Variants in ASXL3 observed in about 807,000 individuals in gnomAD.
The protein encoded by ASXL3 is ASXL transcriptional regulator 3.
ASXL3 carries 34 observed loss-of-function variants against 170.6 expected under a neutral mutation model. The observed-to-expected ratio is 0.20, with a 90% confidence interval of 0.15 to 0.27. The LOEUF is 0.27. Ranked by LOEUF, ASXL3 falls within the 10% of genes least tolerant of loss-of-function variation. ASXL3 has a pLI of 1.00. For synonymous variants in ASXL3, 1,002 were observed against 989.1 expected, an observed-to-expected ratio of 1.01 and a Z score of -0.24; for missense variants, 2,592 against 2,695.3, an observed-to-expected ratio of 0.96 and a Z score of 0.85.
Position 33,747,750 on chromosome 18 carries a change from C to A in ASXL3, c.*1155C>A, listed in dbSNP as rs754143330. 1 of 152,162 alleles carries A rather than the reference C, an allele frequency of 6.6e-6. No homozygotes were observed. The highest frequency in any genetic ancestry group is 1.5e-5 in the Non-Finnish European group (1 of 68,022). The allele number at this position is 152,162 out of a possible 1,614,324, so 9.4% of individuals were successfully genotyped here. ...GAAATAACCCTTATTTTGAAAAAAACTGTTCTAGGTATGGCATGTTTTGTT... is the reference window on the plus strand; with the variant it reads ...GAAATAACCCTTATTTTGAAAAAAAATGTTCTAGGTATGGCATGTTTTGTT... On this transcript the variant is annotated 3_prime_UTR_variant, in exon 12 of 12. Coordinates refer to ENST00000269197, the MANE Select transcript of ASXL3 (RefSeq NM_030632.3).
chr18:33,658,816 T>C (rs1332804428), intron 4 of ASXL3, among the ~76,000 whole-genome samples: 1 of 152,030 alleles, frequency 6.6e-6, no homozygotes, highest in Non-Finnish European at 1.5e-5. Flanking sequence ...GAGTGTAAGA[T>C]AAAGCAAATA....
intron 8 of ASXL3, among the ~76,000 whole-genome samples, chr18:33,709,861 G>C (rs996052554): frequency 1.3e-5 from 2 of 152,172 alleles, no homozygotes; most frequent in African/African-American, 2.4e-5. Flanking sequence ...CATGCAACTG[G>C]AGTTATGTTT....
At position 33,578,670 on chromosome 18, in the gene ASXL3, C is replaced by A. The variant is rs917031264; in HGVS notation, c.39C>A (p.Ala13=). 23 of 1,347,364 alleles carry A rather than the reference C, an allele frequency of 1.7e-5. No individual in the cohort carries two copies. The highest frequency in any genetic ancestry group is 3.0e-5 in the African/African-American group (2 of 65,758). 83.5% of individuals were successfully genotyped at this position (1,347,364 alleles called of 1,614,324 possible). The change falls in exon 1 of 12, where the codon GCC becomes GCA. Residue 13 remains alanine, a synonymous_variant. Coordinates refer to ENST00000269197, the MANE Select transcript of ASXL3 (RefSeq NM_030632.3). ...DKRKKKDRTW[A]EAARLALEKH... is the part of the protein sequence containing the mutation. ...GGAAGAAGAAGGACCGCACCTGGGCCGAGGCTGCCCGCCTGGTACGTACCG... is the reference window on the plus strand; with the variant it reads ...GGAAGAAGAAGGACCGCACCTGGGCAGAGGCTGCCCGCCTGGTACGTACCG...
chr18:33,667,043 A>G (rs2066267735), intron 5 of ASXL3, among the ~76,000 whole-genome samples: 1 of 152,156 alleles, frequency 6.6e-6, no homozygotes, highest in African/African-American at 2.4e-5. Context: ...ACTGAGGGGA[A>G]GTGCGGAGGT....
At chr18:33,584,047 G>A (rs1413889799) in intron 1 of ASXL3, among the ~76,000 whole-genome samples, 1 of 152,186 alleles carries the variant, frequency 6.6e-6, no homozygotes, top group Non-Finnish European at 1.5e-5. Flanking sequence ...CTCATTTACA[G>A]ATTTACAGAA....
rs1433986652 is a variant in ASXL3 at position 33,738,972 on chromosome 18, C to T, written c.1568C>T (p.Ser523Leu). The change falls in exon 11 of 12, where the codon TCA (serine) becomes TTA (leucine). Residue 523 changes from serine (S) to leucine (L), a missense_variant. Physicochemically the swap from Ser to Leu is moderately radical, Grantham distance 145 (BLOSUM62 -2). Around this residue, in one of 4 missense-constraint regions of ASXL3, gnomAD observed 2,246 missense variants for 2,219.6 expected, o/e 1.01. Coordinates refer to ENST00000269197, the MANE Select transcript of ASXL3 (RefSeq NM_030632.3). Reference protein sequence around the residue: ...PHIEVKIEGKSESPQEEMTVV... With the variant: ...PHIEVKIEGKLESPQEEMTVV... ...ATTGAAGTTAAGATAGAAGGGAAGT[C>T]AGAATCACCCCAGGAAGAAATGACA... The T allele has an allele frequency of 1.2e-6, 2 of 1,613,744 alleles. No individual in the cohort carries two copies. Among genetic ancestry groups the T allele is most frequent in the Admixed American group, 1.7e-5 (1 of 59,942 alleles).
At chr18:33,679,988 T>G (rs1039477321) in intron 7 of ASXL3, among the ~76,000 whole-genome samples, 2 of 151,988 alleles carry the variant, frequency 1.3e-5, no homozygotes, top group African/African-American at 4.8e-5. Context: ...GTTTAACGAA[T>G]GTCTGCTTTT....
In ASXL3 at chr18:33,583,318, T is replaced by A. The variant is rs982268872; in HGVS notation, c.54+4633T>A. ...CTCCAAAGGTACACAAGAGCATAACTGACAATGTAGTTGGATCATGAGCCT... is the reference window on the plus strand; with the variant it reads ...CTCCAAAGGTACACAAGAGCATAACAGACAATGTAGTTGGATCATGAGCCT... On this transcript the variant is annotated intron_variant, in intron 1 of 11. Coordinates refer to ENST00000269197, the MANE Select transcript of ASXL3 (RefSeq NM_030632.3). 3.3e-5 allele frequency among the ~76,000 whole-genome samples: 5 copies of A among 152,208 alleles called. No homozygotes were observed. In the South Asian group the frequency reaches 1.0e-3, roughly 32 times the overall value.
intron 6 of ASXL3, 60 bp from the exon 7 acceptor site, chr18:33,671,687 A>G: frequency 1.4e-6 from 2 of 1,444,592 alleles, no homozygotes; most frequent in South Asian, 2.8e-5. Context: ...ACAATTTTAG[A>G]TTTTTCTTTT....
chr18:33,628,237 G>C (rs1243556544), intron 2 of ASXL3, among the ~76,000 whole-genome samples: 1 of 152,110 alleles, frequency 6.6e-6, no homozygotes, highest in East Asian at 1.9e-4. Context: ...TAAGTGGAAA[G>C]ATCTATTATT....
intron 2 of ASXL3, among the ~76,000 whole-genome samples, chr18:33,618,925 C>CCA (rs1289086422): frequency 6.6e-6 from 1 of 152,106 alleles, no homozygotes; most frequent in Non-Finnish European, 1.5e-5. Context: ...CATTAATTTT[C>CCA]TTGGCATAGT....
rs774502883 is a variant in ASXL3 at position 33,739,150 on chromosome 18, G to A, written c.1746G>A (p.Gln582=). 1 of 1,613,604 alleles carries A rather than the reference G, an allele frequency of 6.2e-7. No homozygotes were observed. The highest frequency in any genetic ancestry group is 1.3e-5 in the African/African-American group (1 of 74,930). The change falls in exon 11 of 12, where the codon CAG becomes CAA. Residue 582 remains glutamine (Q), a synonymous_variant. Transcript: ENST00000269197. The stretch of plus-strand genomic sequence containing the variant: ...CAGGGTCATCTTCTCTAGAAGGCCA[G>A]TTTCCAAATGAAGGAATTGCTATAG... ...IKTGSSSLEG[Q]FPNEGIAIDM...
intron 8 of ASXL3, among the ~76,000 whole-genome samples, chr18:33,697,928 C>T (rs1171394681): frequency 6.6e-6 from 1 of 152,098 alleles, no homozygotes; most frequent in Non-Finnish European, 1.5e-5. Flanking sequence ...TGTTCTCTTC[C>T]TGTGACCTAT....
At chr18:33,711,680 T>C (rs1030634320) in intron 8 of ASXL3, among the ~76,000 whole-genome samples, 3 of 152,200 alleles carry the variant, frequency 2.0e-5, no homozygotes, top group Admixed American at 6.5e-5. Flanking sequence ...GCACAGATCC[T>C]GTGAGTCCTG....
At chr18:33,636,945 T>C (rs1412494266) in intron 2 of ASXL3, among the ~76,000 whole-genome samples, 1 of 152,160 alleles carries the variant, frequency 6.6e-6, no homozygotes, top group Non-Finnish European at 1.5e-5. Context: ...CATTTCAAAT[T>C]TTCAGATTTG....
At chr18:33,614,271 C>T (rs1050452443) in intron 2 of ASXL3, 5 of 152,064 alleles carry the variant, frequency 3.3e-5, no homozygotes, top group African/African-American at 1.2e-4. Flanking sequence ...CAACAATGTT[C>T]ACAGTATCTT....
rs769249114 is a variant in ASXL3, at chr18:33,746,890, C to T, written c.*295C>T. ...GCCCCATTTTTGTTTTTCTTTTAAC[C>T]GAGGTGTAGATAGGAAAAGGACATT... On this transcript the variant is annotated 3_prime_UTR_variant, in exon 12 of 12. Coordinates refer to ENST00000269197, the MANE Select transcript of ASXL3 (RefSeq NM_030632.3). 3.4e-5 allele frequency: 10 copies of T among 297,972 alleles called. No individual in the cohort carries two copies. The highest frequency in any genetic ancestry group is 1.1e-4 in the East Asian group (2 of 17,654). The allele number at this position is 297,972 out of a possible 1,614,324, so 18.5% of individuals were successfully genotyped here. A position where few individuals can be genotyped will look rare whatever the true frequency, so the allele number is the denominator to read the frequency against.
At chr18:33,696,063 A>G (rs1287059036) in intron 8 of ASXL3, among the ~76,000 whole-genome samples, 1 of 152,122 alleles carries the variant, frequency 6.6e-6, no homozygotes, top group Non-Finnish European at 1.5e-5. Flanking sequence ...TCTTTTAGTA[A>G]GGAGCATTCT....
At chr18:33,674,809 G>A (rs866744937) in intron 7 of ASXL3, among the ~76,000 whole-genome samples, 6 of 151,768 alleles carry the variant, frequency 4.0e-5, no homozygotes, top group Non-Finnish European at 5.9e-5. Context: ...TAGTAGAGAC[G>A]GGGTTTCACC....
Sources: gnomAD v4.1 joint callset for allele counts (sites outside exome capture counted in the v4.1 genomes callset) on GRCh38, gnomAD v4.1.1 for gene constraint, gnomAD v4.1.1 regional missense constraint, MANE v1.5 for transcripts, NCBI Gene and HGNC (gene_info 2026-07-23, HGNC 2026-07-21) for gene names.